AFF1: variants seen among roughly 807,000 people sequenced by gnomAD.
AFF1 encodes the protein ALF transcription elongation factor 1, also known as AF4/FMR2 family member 1.
Under a neutral mutation model 121.7 loss-of-function variants are expected in AFF1, and 48 were observed. The ratio of observed to expected loss-of-function variants is 0.39; its 90% CI spans 0.31 to 0.50. The LOEUF (loss-of-function observed/expected upper bound fraction) is 0.50, where lower values mean the gene tolerates loss of function less well. Among genes scored for constraint, AFF1 ranks in the 20% least tolerant of loss-of-function variants. The pLI, the probability that AFF1 is intolerant of heterozygous loss-of-function variation, is 0.76. For synonymous variants in AFF1, 613 were observed against 563.0 expected, an observed-to-expected ratio of 1.09 and a Z score of -1.26; for missense variants, 1,523 against 1,511.7, an observed-to-expected ratio of 1.01 and a Z score of -0.12.
Position 87,084,019 on chromosome 4 carries a change from A to G in AFF1, c.1060-101A>G, listed in dbSNP as rs1378635691. 2.8e-6 allele frequency: 3 copies of G among 1,060,378 alleles called. No homozygotes were observed. In the South Asian group the frequency reaches 3.9e-5, roughly 14 times the overall value. The allele number at this position is 1,060,378 out of a possible 1,614,324, so 65.7% of individuals were successfully genotyped here. On this transcript the variant is annotated intron_variant, in intron 4 of 20. Transcript: ENST00000395146. ...CTTAATACTTAGCTAGTAGAAGGTA[A>G]GCCTTGAGATGAGTATTGCTGCATT... is the stretch of plus-strand genomic sequence containing the variant.
chr4:87,010,927 A>C (rs1726674587), intron 2 of AFF1, among the ~76,000 whole-genome samples: 1 of 152,096 alleles, frequency 6.6e-6, no homozygotes, highest in African/African-American at 2.4e-5. Context: ...ATACAAAAAA[A>C]AATCAGCCGG....
At chr4:87,049,479 T>C (rs755714724) in intron 4 of AFF1, among the ~76,000 whole-genome samples, 8 of 152,202 alleles carry the variant, frequency 5.3e-5, no homozygotes, top group African/African-American at 9.6e-5. Flanking sequence ...AAACCCCTTA[T>C]ATTTAATATG....
In AFF1 at chr4:86,944,660, TGCAAA is replaced by T. The variant is rs771210499; in HGVS notation, c.-36-3834_-36-3830del. ...CCAGCCTCGAGGTCTTATAGCTAGT[TGCAAA>T]GCAGGTCTTTTACCAGCATGTGGTA... On this transcript the variant is annotated intron_variant, in intron 1 of 20. Transcript: ENST00000395146. Among the ~76,000 whole-genome samples, 301 of 152,256 alleles carry T rather than the reference TGCAAA, an allele frequency of 2.0e-3. 1 individual carries two copies. Among genetic ancestry groups the T allele is most frequent in the Non-Finnish European group, 3.4e-3 (232 of 68,020 alleles).
intron 2 of AFF1, among the ~76,000 whole-genome samples, chr4:87,004,638 G>A (rs1373637474): frequency 2.0e-5 from 3 of 152,110 alleles, no homozygotes; most frequent in African/African-American, 7.2e-5. Context: ...ATATATTCTT[G>A]TTCCAGTGAG....
intron 8 of AFF1, among the ~76,000 whole-genome samples, chr4:87,100,980 A>G (rs761460866): frequency 6.6e-6 from 1 of 152,162 alleles, no homozygotes; most frequent in Admixed American, 6.5e-5. Flanking sequence ...TATCATATCA[A>G]CCATTAACCT....
At chr4:87,104,880 A>G (rs1725757829) in intron 8 of AFF1, among the ~76,000 whole-genome samples, 1 of 151,526 alleles carries the variant, frequency 6.6e-6, no homozygotes, top group Non-Finnish European at 1.5e-5. Context: ...TTTTTTCCTC[A>G]CTGAAACAAT....
chr4:86,990,738 CT>C (rs1724636006), intron 2 of AFF1, among the ~76,000 whole-genome samples: 1 of 152,196 alleles, frequency 6.6e-6, no homozygotes, highest in Non-Finnish European at 1.5e-5. Flanking sequence ...TTCCCAGGAA[CT>C]TGATTCAACT....
intron 6 of AFF1, among the ~76,000 whole-genome samples, 160 bp downstream of exon 6, chr4:87,090,230 A>C (rs1724165845): frequency 6.6e-6 from 1 of 152,262 alleles, no homozygotes; most frequent in African/African-American, 2.4e-5. Context: ...AATGCTTTCA[A>C]ACATTTATTC....
intron 2 of AFF1, among the ~76,000 whole-genome samples, chr4:86,979,511 T>A (rs182891860): frequency 6.6e-6 from 1 of 152,214 alleles, no homozygotes; most frequent in South Asian, 2.1e-4. Context: ...TGGGAGAGTT[T>A]TTAAATTACT....
chr4:87,047,689 C>A, intron 4 of AFF1, 95 bp downstream of exon 4: 3 of 1,531,046 alleles, frequency 2.0e-6, no homozygotes, highest in Non-Finnish European at 2.7e-6. Context: ...GGAGGTTAGT[C>A]CATGGCTTTT....
At position 87,090,006 on chromosome 4, in the gene AFF1, C is replaced by T. The variant is rs1419773537; in HGVS notation, c.1127C>T (p.Pro376Leu). 1.2e-6 allele frequency: 2 copies of T among 1,613,852 alleles called. No homozygotes were observed. The highest frequency in any genetic ancestry group is 2.7e-5 in the African/African-American group (2 of 74,934). ...ILKEMTHSWPPPLTAIHTPST... is the reference protein window; with the variant it reads ...ILKEMTHSWPLPLTAIHTPST... ...CAGGAAATGACCCATTCATGGCCGCCTCCTTTGACAGCAATACATACGCCT... is the reference window on the plus strand; with the variant it reads ...CAGGAAATGACCCATTCATGGCCGCTTCCTTTGACAGCAATACATACGCCT... Residue 376 changes from proline to leucine, a missense_variant, in exon 6 of 21, where the codon CCT becomes CTT. Pro to Leu is a moderately conservative substitution (Grantham distance 98). Coordinates refer to ENST00000395146, the MANE Select transcript of AFF1 (RefSeq NM_001166693.3).
intron 2 of AFF1, among the ~76,000 whole-genome samples, chr4:86,982,129 C>T (rs1177115423): frequency 6.6e-6 from 1 of 152,128 alleles, no homozygotes; most frequent in Non-Finnish European, 1.5e-5. Flanking sequence ...AGTCAACTTA[C>T]TGATATAAAT....
chr4:86,991,451 A>G (rs954097488), intron 2 of AFF1, among the ~76,000 whole-genome samples: 23 of 150,558 alleles, frequency 1.5e-4, no homozygotes, highest in African/African-American at 5.1e-4. Context: ...TCTCCAAAAA[A>G]AAAAAAAAAG....
intron 16 of AFF1, among the ~76,000 whole-genome samples, chr4:87,129,456 A>G (rs905273211): frequency 2.0e-5 from 3 of 152,254 alleles, no homozygotes; most frequent in African/African-American, 7.2e-5. Context: ...ACAAATTGCT[A>G]CACAGTATTG....
chr4:87,126,153 C>A lies in AFF1; in HGVS notation c.2628C>A (p.Pro876=). Residue 876 remains proline (P), a synonymous_variant, in exon 14 of 21, where the codon CCC becomes CCA. Coordinates refer to ENST00000395146, the MANE Select transcript of AFF1 (RefSeq NM_001166693.3). Reference sequence around the variant, plus strand: ...AGAAGGAAATGCTCCCCCCGCCACCCGTGTCCTCGTCCTCCCAGAAGCCAG... The same window carrying A: ...AGAAGGAAATGCTCCCCCCGCCACCAGTGTCCTCGTCCTCCCAGAAGCCAG... The part of the protein sequence containing the change: ...SSKKEMLPPP[P]VSSSSQKPAK... 6.8e-6 allele frequency: 11 copies of A among 1,614,166 alleles called. No individual in the cohort carries two copies. Among genetic ancestry groups the A allele is most frequent in the Non-Finnish European group, 9.3e-6 (11 of 1,180,024 alleles).
chr4:87,080,200 A>G (rs932987149), intron 4 of AFF1, among the ~76,000 whole-genome samples: 16 of 152,168 alleles, frequency 1.1e-4, no homozygotes, highest in Non-Finnish European at 2.2e-4. Context: ...GAACCTATTA[A>G]TAGATATCAA....
intron 2 of AFF1, among the ~76,000 whole-genome samples, chr4:87,007,929 T>C (rs1726332061): frequency 6.6e-6 from 1 of 152,038 alleles, no homozygotes; most frequent in Admixed American, 6.5e-5. Flanking sequence ...CCCGCTTACG[T>C]GAATCTGCTG....
chr4:87,123,195 A>C (rs914328375), intron 12 of AFF1, among the ~76,000 whole-genome samples: 6 of 152,228 alleles, frequency 3.9e-5, no homozygotes, highest in African/African-American at 1.2e-4. Context: ...CGCCCAGCCT[A>C]ACATTTTAAT....
chr4:87,116,625 T>C (rs1356843512), intron 12 of AFF1, among the ~76,000 whole-genome samples: 1 of 152,242 alleles, frequency 6.6e-6, no homozygotes, highest in Non-Finnish European at 1.5e-5. Flanking sequence ...GTTAAAAATA[T>C]AACACGACTT....
Sources: allele counts gnomAD v4.1 joint callset (sites outside exome capture counted in the v4.1 genomes callset), GRCh38; gene constraint gnomAD v4.1.1; transcripts MANE v1.5; gene names NCBI Gene and HGNC (gene_info 2026-07-23, HGNC 2026-07-21).